Variants in ERICH1 observed in about 807,000 individuals in gnomAD.
ERICH1 encodes the protein glutamate rich 1.
Under a neutral mutation model 39.6 loss-of-function variants are expected in ERICH1, and 56 were observed. The ratio of observed to expected loss-of-function variants is 1.41; its 90% CI spans 1.14 to 1.77. The LOEUF (loss-of-function observed/expected upper bound fraction) is 1.77, where lower values mean the gene tolerates loss of function less well. ERICH1 is among the 40% of genes most tolerant of loss of function. The pLI is 0.00. For synonymous variants in ERICH1, 313 were observed against 223.6 expected (o/e 1.40, Z -3.57); for missense variants, 826 against 575.4 (o/e 1.44, Z -4.45).
At chr8:630,000 G>C (rs866994638) in intron 3 of ERICH1, among the ~76,000 whole-genome samples, 25 of 97,178 alleles carry the variant, frequency 2.6e-4, no homozygotes, top group South Asian at 3.5e-4. Flanking sequence ...CCTCCTGTGA[G>C]CACCCACACA....
At position 643,667 on chromosome 8, in the gene ERICH1, C is replaced by T. The variant is rs1252496036; in HGVS notation, c.976+24931G>A. On this transcript the variant is annotated intron_variant, in intron 3 of 3. Transcript: ENST00000522706. ...CATGTCTGTGTCTCGGGACTCTGAG[C>T]GATGGGACAGCATCTGGAATGTCAC... is the stretch of plus-strand genomic sequence containing the variant. Among the ~76,000 whole-genome samples, 5 of 152,274 alleles carry T rather than the reference C, an allele frequency of 3.3e-5. No individual in the cohort carries two copies. In the South Asian group the frequency reaches 8.3e-4, roughly 25 times the overall value.
chr8:681,877 G>A (rs553049079), intron 3 of ERICH1, among the ~76,000 whole-genome samples: 8 of 152,154 alleles, frequency 5.3e-5, no homozygotes, highest in Admixed American at 3.3e-4. Context: ...AGTCACTTTC[G>A]CAAGGACCCC....
chr8:720,893 CCT>C (rs1476991058), intron 1 of ERICH1, among the ~76,000 whole-genome samples: 1 of 152,190 alleles, frequency 6.6e-6, no homozygotes, highest in Non-Finnish European at 1.5e-5. Flanking sequence ...CACTCTGACC[CCT>C]GCTACTTCTG....
At chr8:663,256 C>T (rs1387851555), downstream of ERICH1, among the ~76,000 whole-genome samples, 4 of 152,238 alleles carry the variant, frequency 2.6e-5, no homozygotes, top group East Asian at 1.9e-4. Context: ...TCCCCTCCCT[C>T]CATGCTGCCC....
chr8:664,655 G>T lies in ERICH1; in HGVS notation c.1280C>A (p.Ala427Asp). The T allele has an allele frequency of 1.9e-6, 3 of 1,612,476 alleles. No individual in the cohort carries two copies. The highest frequency in any genetic ancestry group is 2.5e-6 in the Non-Finnish European group (3 of 1,179,518). The change falls in exon 6 of 6, where the codon GCT becomes GAT. Residue 427 changes from alanine to aspartate, a missense_variant. Transcript: ENST00000262109. ...MPPDHARVIS[A>D]FFSYWITHIL... ...ATGTGTGATCCAGTAACTAAAGAAA[G>T]CTGAGATTACTCTGGCATGGTCTAG...
intron 1 of ERICH1, among the ~76,000 whole-genome samples, chr8:716,571 T>G (rs987371926): frequency 2.0e-5 from 3 of 152,272 alleles, no homozygotes; most frequent in Admixed American, 1.3e-4. Context: ...TGACGTGGTT[T>G]AACGACTAAA....
At chr8:703,245 G>A (rs1812554161) in intron 2 of ERICH1, among the ~76,000 whole-genome samples, 1 of 152,126 alleles carries the variant, frequency 6.6e-6, no homozygotes, top group Non-Finnish European at 1.5e-5. Context: ...TGAAGGTGCA[G>A]GACAGACCAA....
intron 2 of ERICH1, among the ~76,000 whole-genome samples, chr8:713,742 G>A (rs1229784120): frequency 6.6e-6 from 1 of 152,146 alleles, no homozygotes; most frequent in Non-Finnish European, 1.5e-5. Context: ...TGAGATCCTG[G>A]TGCGCAGCTC....
chr8:673,288 C>T lies in ERICH1; in HGVS notation c.1063+1G>A. The stretch of plus-strand genomic sequence containing the variant: ...CAAGAGAAAAACAGTAAAAAACATA[C>T]CGTCATAAAAATACATTTCCTGTGT... On this transcript the variant is annotated splice_donor_variant, in intron 4 of 5. Coordinates refer to ENST00000262109, the MANE Select transcript of ERICH1 (RefSeq NM_207332.3). LOFTEE classifies it high-confidence loss of function. The T allele has an allele frequency of 1.9e-6, 3 of 1,595,208 alleles. No homozygotes were observed. Among genetic ancestry groups the T allele is most frequent in the Non-Finnish European group, 2.6e-6 (3 of 1,166,302 alleles).
At chr8:730,332 AT>A (rs1819688022) in intron 1 of ERICH1, among the ~76,000 whole-genome samples, 1 of 152,226 alleles carries the variant, frequency 6.6e-6, no homozygotes, top group African/African-American at 2.4e-5. Flanking sequence ...CAATTGTTTT[AT>A]AACTATAGTT....
At chr8:722,399 G>C (rs375398137) in intron 1 of ERICH1, among the ~76,000 whole-genome samples, 1 of 152,100 alleles carries the variant, frequency 6.6e-6, no homozygotes, top group East Asian at 1.9e-4. Flanking sequence ...GGGGAATTAA[G>C]TCACTTCGGT....
At chr8:719,508 C>T (rs555280861) in intron 1 of ERICH1, among the ~76,000 whole-genome samples, 1 of 152,362 alleles carries the variant, frequency 6.6e-6, no homozygotes, top group East Asian at 1.9e-4. Context: ...GCTGTGAGGT[C>T]TGCTGGGTTT....
rs13248003 is a variant in ERICH1 at position 629,554 on chromosome 8, C to G, written c.977-14270G>C. Among the ~76,000 whole-genome samples, 207 of 138,706 alleles carry G rather than the reference C, an allele frequency of 1.5e-3. 1 individual carries two copies. The highest frequency in any genetic ancestry group is 4.8e-3 in the African/African-American group (168 of 34,998). The allele number at this position is 138,706 out of a possible 152,430, so 91.0% of individuals were successfully genotyped here. On this transcript the variant is annotated intron_variant, in intron 3 of 3. Transcript: ENST00000522706. ...ACACACCCTCCTGTGAGCACCCACA[C>G]GGACAGAGCTGACTCACACCCGCCG... is the stretch of plus-strand genomic sequence containing the variant.
chr8:617,036 C>T (rs1258882202), intron 3 of ERICH1, among the ~76,000 whole-genome samples: 1 of 151,268 alleles, frequency 6.6e-6, no homozygotes, highest in Admixed American at 6.6e-5. Context: ...CGATTCAGGA[C>T]CAACGAAATA....
intron 3 of ERICH1, chr8:627,199 G>C (rs1328847657): frequency 2.2e-6 from 1 of 456,174 alleles, no homozygotes; most frequent in Admixed American, 2.3e-5. Context: ...TGTGTGACCT[G>C]TACCATTGGC....
At chr8:680,512 G>C (rs1805866003) in intron 3 of ERICH1, among the ~76,000 whole-genome samples, 2 of 141,670 alleles carry the variant, frequency 1.4e-5, no homozygotes, top group Non-Finnish European at 3.0e-5. Flanking sequence ...AGAATCCACA[G>C]CTGCCACCTC....
Position 700,202 on chromosome 8 carries a change from G to GCACAGGCCC in ERICH1, c.170-7591_170-7590insGGGCCTGTG, listed in dbSNP as rs1811618915. On this transcript the variant is annotated intron_variant, in intron 2 of 5. Coordinates refer to ENST00000262109, the MANE Select transcript of ERICH1 (RefSeq NM_207332.3). ...ACAGGCCCGCACACGCGCACAGGCC[G>GCACAGGCCC]GCACAGGCGCACACACCCGCACACG... is the stretch of plus-strand genomic sequence containing the variant. Among the ~76,000 whole-genome samples the GCACAGGCCC allele has an allele frequency of 9.4e-4, 23 of 24,548 alleles. 2 individuals carry two copies. Among genetic ancestry groups the GCACAGGCCC allele is most frequent in the Admixed American group, 2.1e-3 (4 of 1,912 alleles). 16.1% of individuals were successfully genotyped at this position (24,548 alleles called of 152,430 possible). A position where few individuals can be genotyped will look rare whatever the true frequency, so the allele number is the denominator to read the frequency against.
At position 673,374 on chromosome 8, in the gene ERICH1, G is replaced by C. The variant is rs566545057; in HGVS notation, c.978C>G (p.Ser326Arg). The C allele has an allele frequency of 5.0e-6, 8 of 1,613,204 alleles. No homozygotes were observed. The highest frequency in any genetic ancestry group is 2.7e-5 in the African/African-American group (2 of 74,854). ...DSGEEDGADA[S>R]EEDDTITNEK... ...CATTGGTAATTGTATCATCTTCCTCGCTGGCGTCTGCACCGTCCTCCTCCC... is the reference window on the plus strand; with the variant it reads ...CATTGGTAATTGTATCATCTTCCTCCCTGGCGTCTGCACCGTCCTCCTCCC... The change falls in exon 4 of 6, where the codon AGC becomes AGG. Residue 326 changes from serine (S) to arginine (R), a missense_variant. Transcript: ENST00000262109.
At chr8:699,922 C>T (rs1287343289) in intron 2 of ERICH1, among the ~76,000 whole-genome samples, 1 of 139,418 alleles carries the variant, frequency 7.2e-6, no homozygotes. Flanking sequence ...CGCACAGGCC[C>T]GCACAGGCGC....
Sources: allele counts gnomAD v4.1 joint callset (sites outside exome capture counted in the v4.1 genomes callset), GRCh38; gene constraint gnomAD v4.1.1; transcripts MANE v1.5; gene names NCBI Gene and HGNC (gene_info 2026-07-23, HGNC 2026-07-21).